The following COL12A1 variants were observed in gnomAD, a reference collection of about 807,000 sequenced individuals.
COL12A1 encodes the protein collagen alpha-1(XII) chain.
COL12A1 carries 114 observed loss-of-function variants against 349.7 expected under a neutral mutation model. That is an observed-to-expected ratio of 0.33 (90% CI 0.28 to 0.38). COL12A1 has a LOEUF of 0.38. COL12A1 is among the 10% of genes least tolerant of loss of function. The pLI is 1.00. For synonymous variants in COL12A1, 1,369 were observed against 1,329.0 expected (o/e 1.03, Z -0.66); for missense variants, 3,284 against 3,756.9 (o/e 0.87, Z 3.29).
At chr6:75,108,070 CATTGATTGATTG>C (rs112482209) in intron 52 of COL12A1, among the ~76,000 whole-genome samples, 21 of 151,880 alleles carry the variant, frequency 1.4e-4, no homozygotes, top group South Asian at 8.3e-4. Context: ...TATTGATTGA[CATTGATTGATTG>C]ATTGATTGAT....
Position 75,188,380 on chromosome 6 carries a change from A to G in COL12A1, c.979T>C (p.Leu327=), listed in dbSNP as rs768698427. 5.6e-6 allele frequency: 9 copies of G among 1,613,020 alleles called. No homozygotes were observed. Among genetic ancestry groups the G allele is most frequent in the East Asian group, 2.2e-5 (1 of 44,882 alleles). ...CSGVDEQLGE[L]VSGEEVVEPP... is the part of the protein sequence containing the mutation. ...TACTCACCTTCTTCTCCACTAACCA[A>G]TTCACCAAGTTGTTCATCAACACCT... The change falls in exon 8 of 66, where the codon TTG becomes CTG. Residue 327 remains leucine, a synonymous_variant. Transcript: ENST00000322507.
chr6:75,165,879 C>T, intron 13 of COL12A1, 100 bp from the exon 14 acceptor site: 1 of 1,198,762 alleles, frequency 8.3e-7, no homozygotes, highest in Non-Finnish European at 1.2e-6. Context: ...TTGCTGGACT[C>T]ACACTCAATT....
chr6:75,133,364 G>A lies in COL12A1; in HGVS notation c.5723C>T (p.Ser1908Leu), dbSNP rs1766408096. 4.3e-6 allele frequency: 7 copies of A among 1,613,008 alleles called. No individual in the cohort carries two copies. The highest frequency in any genetic ancestry group is 4.0e-5 in the African/African-American group (3 of 75,016). The change falls in exon 34 of 66, where the codon TCA becomes TTA. Residue 1908 changes from serine (S) to leucine (L), a missense_variant. Around this residue, in one of 2 missense-constraint regions of COL12A1, gnomAD observed 2,601 missense variants for 2,824.8 expected, o/e 0.92. Coordinates refer to ENST00000322507, the MANE Select transcript of COL12A1 (RefSeq NM_004370.6). Reference protein sequence around the residue: ...AILRNLQPDTSYTVTVVPVYT... With the variant: ...AILRNLQPDTLYTVTVVPVYT... ...AACGGGAACTACAGTCACAGTGTAT[G>A]AGGTATCTGGCTGCAGATTCCTAAG...
At chr6:75,115,578 C>T (rs1055869432) in intron 49 of COL12A1, among the ~76,000 whole-genome samples, 5 of 152,096 alleles carry the variant, frequency 3.3e-5, no homozygotes, top group Admixed American at 1.3e-4. Flanking sequence ...CTGGCAATAA[C>T]GAGGCCTGAG....
At chr6:75,103,936 C>T (rs1451408981) in intron 54 of COL12A1, 126 bp from the exon 55 acceptor site, 10 of 582,534 alleles carry the variant, frequency 1.7e-5, no homozygotes, top group Middle Eastern at 2.8e-4. Flanking sequence ...TTGCAAAATA[C>T]TGAAGCAAAT....
intron 31 of COL12A1, among the ~76,000 whole-genome samples, chr6:75,136,706 T>C (rs1302966360): frequency 6.6e-6 from 1 of 152,194 alleles, no homozygotes; most frequent in Non-Finnish European, 1.5e-5. Flanking sequence ...ATCATACCTA[T>C]GTAAAAATCA....
At chr6:75,138,099 G>A (rs964078262) in intron 30 of COL12A1, among the ~76,000 whole-genome samples, 3 of 152,016 alleles carry the variant, frequency 2.0e-5, no homozygotes, top group Admixed American at 1.3e-4. Flanking sequence ...ATGCCATCCA[G>A]TCTAATCTTT....
chr6:75,145,296 GA>G, intron 25 of COL12A1, 29 bp downstream of exon 25: 1 of 1,548,806 alleles, frequency 6.5e-7, no homozygotes, highest in Non-Finnish European at 8.8e-7. Context: ...ACAGCAATAA[GA>G]AGGGAAATAA....
intron 52 of COL12A1, among the ~76,000 whole-genome samples, chr6:75,107,562 C>G (rs1768631759): frequency 6.6e-6 from 1 of 152,112 alleles, no homozygotes; most frequent in African/African-American, 2.4e-5. Context: ...TGAGCCACCA[C>G]ACTCAGCCTA....
In COL12A1 at chr6:75,123,322, G is replaced by A; in HGVS notation, c.6946+8C>T. The A allele has an allele frequency of 2.5e-6, 4 of 1,607,266 alleles. No individual in the cohort carries two copies. The South Asian group carries it at 4.5e-5, about 18-fold the overall frequency. On this transcript the variant is annotated splice_region_variant and intron_variant, in intron 43 of 65. Coordinates refer to ENST00000322507, the MANE Select transcript of COL12A1 (RefSeq NM_004370.6). ...AGCTGAACGTATTGCCTATTTAGCT[G>A]TACTTACCATCCCGGGCTGGTGGAA...
chr6:75,099,687 G>C (rs528631188), intron 58 of COL12A1, among the ~76,000 whole-genome samples: 1 of 152,196 alleles, frequency 6.6e-6, no homozygotes, highest in African/African-American at 2.4e-5. Flanking sequence ...AACCAAGTGA[G>C]GGGGCTGAGA....
rs1391862206 is a variant in COL12A1 at position 75,181,205 on chromosome 6, A to G, written c.1898T>C (p.Val633Ala). Reference protein sequence around the residue: ...ELAAIKKKAYVPPKDLSFSEV... With the variant: ...ELAAIKKKAYAPPKDLSFSEV... ...TGAAAAACTAAGATCCTTTGGAGGG[A>G]CGTAAGCTATTTAAAAAAAAAAAAA... The change falls in exon 11 of 66, where the codon GTC becomes GCC. Residue 633 changes from valine (V) to alanine (A), a missense_variant. Physicochemically the swap from Val to Ala is moderately conservative, Grantham distance 64. This residue lies in a region of COL12A1 where 2,601 missense variants were observed against 2,824.8 expected (regional missense o/e 0.92). Transcript: ENST00000322507. 14 of 1,532,706 alleles carry G rather than the reference A, an allele frequency of 9.1e-6. 1 individual carries two copies. Among genetic ancestry groups the G allele is most frequent in the Non-Finnish European group, 1.1e-5 (13 of 1,150,184 alleles). 94.9% of individuals were successfully genotyped at this position (1,532,706 alleles called of 1,614,324 possible).
At chr6:75,136,736 A>G (rs1234596854) in intron 31 of COL12A1, among the ~76,000 whole-genome samples, 2 of 152,206 alleles carry the variant, frequency 1.3e-5, no homozygotes, top group Non-Finnish European at 2.9e-5. Context: ...CTGACCTAGG[A>G]TAATACATGC....
At chr6:75,102,397 A>AT (rs1300309875) in intron 56 of COL12A1, among the ~76,000 whole-genome samples, 200 bp downstream of exon 56, 1 of 151,976 alleles carries the variant, frequency 6.6e-6, no homozygotes, top group African/African-American at 2.4e-5. Context: ...AGTAGCAGTA[A>AT]TTTTTTCTAC....
intron 49 of COL12A1, among the ~76,000 whole-genome samples, chr6:75,114,641 C>T (rs1397440926): frequency 6.6e-6 from 1 of 151,980 alleles, no homozygotes; most frequent in Non-Finnish European, 1.5e-5. Flanking sequence ...GCTTTCATGT[C>T]CTAATACCAC....
intron 58 of COL12A1, among the ~76,000 whole-genome samples, 161 bp from the exon 59 acceptor site, chr6:75,097,467 ATAAAAT>A (rs1768104689): frequency 6.6e-6 from 1 of 152,228 alleles, no homozygotes; most frequent in African/African-American, 2.4e-5. Context: ...AGCAAAAAAA[ATAAAAT>A]TAAAAAATTA....
chr6:75,188,214 G>T, intron 8 of COL12A1, 148 bp downstream of exon 8: 1 of 759,480 alleles, frequency 1.3e-6, no homozygotes, highest in African/African-American at 1.8e-5. Context: ...TCAACAAGTT[G>T]AGTTGCTAAA....
intron 57 of COL12A1, 173 bp from the exon 58 acceptor site, chr6:75,101,826 A>T: frequency 1.1e-6 from 1 of 950,302 alleles, no homozygotes; most frequent in Non-Finnish European, 1.6e-6. Flanking sequence ...ACAAGCAGAT[A>T]CCTGAATTGA....
chr6:75,176,713 A>C (rs1213488635), intron 12 of COL12A1, among the ~76,000 whole-genome samples: 2 of 152,232 alleles, frequency 1.3e-5, no homozygotes, highest in Non-Finnish European at 2.9e-5. Flanking sequence ...GATAATAATA[A>C]CATAAAGTCT....
Sources: gnomAD v4.1 joint callset for allele counts (sites outside exome capture counted in the v4.1 genomes callset) on GRCh38, gnomAD v4.1.1 for gene constraint, gnomAD v4.1.1 regional missense constraint, MANE v1.5 for transcripts, NCBI Gene and HGNC (gene_info 2026-07-23, HGNC 2026-07-21) for gene names.